DOCK9: variants seen among roughly 807,000 people sequenced by gnomAD.
DOCK9 encodes dedicator of cytokinesis protein 9.
Under a neutral mutation model 263.3 loss-of-function variants are expected in DOCK9, and 89 were observed. The observed-to-expected ratio is 0.34, with a 90% CI of 0.28 to 0.40. The LOEUF is 0.40. Ranked by LOEUF, DOCK9 falls within the 10% of genes least tolerant of loss-of-function variation. The pLI is 1.00. For synonymous variants in DOCK9, 976 were observed against 973.1 expected, an observed-to-expected ratio of 1.00 and a Z score of -0.06; for missense variants, 2,140 against 2,603.4, an observed-to-expected ratio of 0.82 and a Z score of 3.87.
chr13:99,078,401 G>A (rs1371426422), intron 1 of DOCK9, among the ~76,000 whole-genome samples: 2 of 152,234 alleles, frequency 1.3e-5, no homozygotes, highest in Non-Finnish European at 2.9e-5. Context: ...CAGAGAAGGA[G>A]GAGGAGATGC....
At chr13:98,830,129 T>C (rs1335298696) in intron 41 of DOCK9, among the ~76,000 whole-genome samples, 2 of 152,220 alleles carry the variant, frequency 1.3e-5, no homozygotes, top group African/African-American at 2.4e-5. Context: ...ATGTATTAAA[T>C]ATGCTATGGG....
chr13:98,845,949 C>T lies in DOCK9; in HGVS notation c.4173G>A (p.Leu1391=), dbSNP rs1220313999. The T allele has an allele frequency of 6.2e-7, 1 of 1,613,312 alleles. No individual in the cohort carries two copies. Among genetic ancestry groups the T allele is most frequent in the African/African-American group, 1.3e-5 (1 of 74,902 alleles). The change falls in exon 38 of 53, where the codon CTG becomes CTA. Residue 1391 remains leucine, a synonymous_variant. Transcript: ENST00000682017. ...MHARLQQLGS[L]DNSLTFNHSY... ...TGTGGTTAAAAGTGAGAGAGTTATC[C>T]AGGCTGCCCAGCTGCTGCAATCTGG...
At chr13:98,849,434 C>CTT (rs34901221) in intron 36 of DOCK9, among the ~76,000 whole-genome samples, 95 of 148,648 alleles carry the variant, frequency 6.4e-4, no homozygotes, top group African/African-American at 1.0e-3. Context: ...TGCAGAAATT[C>CTT]TTTTTTTTTT....
In DOCK9 at chr13:98,829,606, G is replaced by A. The variant is rs374024619; in HGVS notation, c.4749+37C>T. ...CAAGCACCTCAGGTGCTGATGCAGA[G>A]TCTCAGGGTGAAACTAACATGGGCC... On this transcript the variant is annotated intron_variant, in intron 42 of 52. Coordinates refer to ENST00000682017, the MANE Select transcript of DOCK9 (RefSeq NM_001366683.2). The surrounding 1 kb of genome is among the most constrained non-coding windows in gnomAD (Gnocchi z 4.1). 6 of 1,585,094 alleles carry A rather than the reference G, an allele frequency of 3.8e-6. No individual in the cohort carries two copies. The highest frequency in any genetic ancestry group is 5.2e-6 in the Non-Finnish European group (6 of 1,163,868).
intron 1 of DOCK9, among the ~76,000 whole-genome samples, chr13:99,065,554 A>G (rs1019164142): frequency 1.3e-5 from 2 of 152,172 alleles, no homozygotes; most frequent in African/African-American, 2.4e-5. Flanking sequence ...ACCAGACGCA[A>G]CTACTCACTG....
intron 1 of DOCK9, among the ~76,000 whole-genome samples, chr13:99,020,578 T>A (rs914530367): frequency 2.0e-5 from 3 of 152,322 alleles, no homozygotes; most frequent in South Asian, 2.1e-4. Flanking sequence ...GCAGCTGCTG[T>A]TCCCACCTAC....
At chr13:99,038,337 T>A (rs1333648026) in intron 1 of DOCK9, among the ~76,000 whole-genome samples, 1 of 124,226 alleles carries the variant, frequency 8.0e-6, no homozygotes, top group East Asian at 2.7e-4. Context: ...AGAGTCTCAC[T>A]CCTGTTGCCC....
chr13:98,883,855 C>T lies in DOCK9; in HGVS notation c.2427G>A (p.Leu809=). 1 of 1,612,518 alleles carries T rather than the reference C, an allele frequency of 6.2e-7. No individual in the cohort carries two copies. The highest frequency in any genetic ancestry group is 8.5e-7 in the Non-Finnish European group (1 of 1,179,446). ...AAACCAGATGAGTGGAAATTTTCAG[C>T]AGTGGCTTGCCTCCATCTACCCATT... is the stretch of plus-strand genomic sequence containing the variant. The part of the protein sequence containing the change: ...EIKWVDGGKP[L]LKISTHLVST... Residue 809 remains leucine, a synonymous_variant, in exon 22 of 53, where the codon CTG becomes CTA. Transcript: ENST00000682017.
At chr13:98,938,455 C>T (rs532656220) in intron 2 of DOCK9, among the ~76,000 whole-genome samples, 1 of 152,130 alleles carries the variant, frequency 6.6e-6, no homozygotes, top group Non-Finnish European at 1.5e-5. Flanking sequence ...GTCTGTTCCT[C>T]TCAAATGGTT....
chr13:98,862,502 C>T (rs746311172), intron 32 of DOCK9, among the ~76,000 whole-genome samples: 51 of 152,076 alleles, frequency 3.4e-4, no homozygotes, highest in Non-Finnish European at 6.9e-4. Flanking sequence ...GCCTGGCCAA[C>T]ATGGTGAAAC....
At chr13:98,930,524 G>C (rs2053747506) in intron 2 of DOCK9, among the ~76,000 whole-genome samples, 1 of 152,232 alleles carries the variant, frequency 6.6e-6, no homozygotes, top group Non-Finnish European at 1.5e-5. Context: ...CCGCAGGGTA[G>C]AGGCCCCGTT....
intron 1 of DOCK9, among the ~76,000 whole-genome samples, chr13:98,996,968 T>G (rs1280071641): frequency 1.3e-5 from 2 of 152,224 alleles, no homozygotes; most frequent in Non-Finnish European, 2.9e-5. Context: ...TACTCATTCC[T>G]CAGCTGGCAT....
intron 1 of DOCK9, among the ~76,000 whole-genome samples, chr13:98,961,508 G>A (rs2058636528): frequency 6.6e-6 from 1 of 152,200 alleles, no homozygotes; most frequent in African/African-American, 2.4e-5. Flanking sequence ...GCCCCAGGCA[G>A]GCATATAGCA....
chr13:98,881,617 G>A lies in DOCK9; in HGVS notation c.2686C>T (p.His896Tyr). The A allele has an allele frequency of 6.2e-7, 1 of 1,608,404 alleles. No individual in the cohort carries two copies. Among genetic ancestry groups the A allele is most frequent in the Non-Finnish European group, 8.5e-7 (1 of 1,177,546 alleles). The part of the protein sequence containing the change: ...VAVNVTRVII[H>Y]VVAQCHEEGL... ...TCCTCATGGCACTGGGCAACCACAT[G>A]AATAATGACCCTACACACCACAGGA... The change falls in exon 25 of 53, where the codon CAT becomes TAT. Residue 896 changes from histidine to tyrosine, a missense_variant. This residue lies in a region of DOCK9 where 1,521 missense variants were observed against 1,741.7 expected (regional missense o/e 0.87). Coordinates refer to ENST00000682017, the MANE Select transcript of DOCK9 (RefSeq NM_001366683.2).
At chr13:98,979,238 C>CA (rs56088987), upstream of DOCK9, among the ~76,000 whole-genome samples, 95 of 120,018 alleles carry the variant, frequency 7.9e-4, no homozygotes, top group Middle Eastern at 4.9e-3. Context: ...GTAGCAGCAG[C>CA]GGCGGCAGCA....
Position 98,930,222 on chromosome 13 carries a change from G to A in DOCK9, c.279C>T (p.Cys93=). 6.2e-7 allele frequency: 1 copy of A among 1,612,148 alleles called. No homozygotes were observed. The highest frequency in any genetic ancestry group is 8.5e-7 in the Non-Finnish European group (1 of 1,179,162). The change falls in exon 3 of 53, where the codon TGC becomes TGT. Residue 93 remains cysteine, a synonymous_variant. Transcript: ENST00000682017. ...AILRRQGRYI[C]STVPAKAEEE... ...CTTCCGCCTTCGCAGGCACTGTTGA[G>A]CATATGTATCGACCCTGTCGTCTCA... is the stretch of plus-strand genomic sequence containing the variant.
chr13:99,024,504 T>C (rs1221965015), intron 1 of DOCK9, among the ~76,000 whole-genome samples: 1 of 152,232 alleles, frequency 6.6e-6, no homozygotes, highest in East Asian at 1.9e-4. Context: ...TATGGAGTTA[T>C]GGCTGTTGAA....
intron 46 of DOCK9, 137 bp from the exon 47 acceptor site, chr13:98,809,602 C>T (rs2091105252): frequency 4.3e-6 from 3 of 691,550 alleles, no homozygotes; most frequent in Admixed American, 3.2e-5. Flanking sequence ...GGCTGCACAA[C>T]TTGTAGTGAT....
intron 13 of DOCK9, among the ~76,000 whole-genome samples, chr13:98,900,637 A>G (rs746639226): frequency 3.1e-4 from 47 of 152,206 alleles, no homozygotes; most frequent in Non-Finnish European, 5.6e-4. Flanking sequence ...TGACTCATAC[A>G]TGATCTGTTT....
Sources: gnomAD v4.1 joint callset for allele counts (sites outside exome capture counted in the v4.1 genomes callset) on GRCh38, gnomAD v4.1.1 for gene constraint, gnomAD v4.1.1 regional missense constraint, Gnocchi (gnomAD v3.1) non-coding constraint, MANE v1.5 for transcripts, NCBI Gene and HGNC (gene_info 2026-07-23, HGNC 2026-07-21) for gene names.